The following MGAT4C variants were observed in gnomAD, a reference collection of about 807,000 sequenced individuals.
MGAT4C encodes the protein alpha-1,3-mannosyl-glycoprotein 4-beta-N-acetylglucosaminyltransferase C.
A neutral mutation model predicts 40.1 loss-of-function variants in MGAT4C; 19 were observed. That is an observed-to-expected ratio of 0.47 (90% CI 0.33 to 0.70). MGAT4C has a LOEUF of 0.70. Among genes scored for constraint, MGAT4C ranks in the 30% least tolerant of loss-of-function variants. MGAT4C has a pLI of 0.02. For missense variants in MGAT4C, 491 were observed against 563.2 expected (o/e 0.87, Z 1.30); for synonymous variants, 181 against 187.1 (o/e 0.97, Z 0.27).
chr12:86,724,562 T>C (rs1394613843), intron 2 of MGAT4C, among the ~76,000 whole-genome samples: 1 of 152,190 alleles, frequency 6.6e-6, no homozygotes, highest in Non-Finnish European at 1.5e-5. Flanking sequence ...TAATAACTAT[T>C]AATAACTACC....
rs12578968 is a variant in MGAT4C, at chr12:86,418,495, C to T, written c.-120+16662G>A. The stretch of plus-strand genomic sequence containing the variant: ...TAATCTCAGCTACTCAGGAGGCTGG[C>T]GCAGGAGAATCTCTTCAACCGGGAG... On this transcript the variant is annotated intron_variant, in intron 3 of 7. Transcript: ENST00000548651. Among the ~76,000 whole-genome samples, 1,050 of 151,794 alleles carry T rather than the reference C, an allele frequency of 6.9e-3. 15 individuals are homozygous for T. The highest frequency in any genetic ancestry group is 0.024 in the African/African-American group (1,009 of 41,362).
At chr12:86,392,725 T>C (rs1956180983) in intron 3 of MGAT4C, among the ~76,000 whole-genome samples, 1 of 152,234 alleles carries the variant, frequency 6.6e-6, no homozygotes, top group Non-Finnish European at 1.5e-5. Flanking sequence ...ATGCATTGCA[T>C]ATTCAATAAA....
chr12:86,268,558 G>T (rs1952847770), intron 4 of MGAT4C, among the ~76,000 whole-genome samples: 1 of 149,208 alleles, frequency 6.7e-6, no homozygotes, highest in African/African-American at 2.4e-5. Context: ...GATTTTTGAA[G>T]GGTCCATTAA....
At chr12:86,608,313 TCA>T (rs1962116429) in intron 2 of MGAT4C, among the ~76,000 whole-genome samples, 2 of 152,074 alleles carry the variant, frequency 1.3e-5, no homozygotes, top group South Asian at 4.1e-4. Flanking sequence ...GCATGGTGAC[TCA>T]CACCTATAAT....
At chr12:86,320,163 T>C (rs899789911) in intron 4 of MGAT4C, among the ~76,000 whole-genome samples, 1 of 152,126 alleles carries the variant, frequency 6.6e-6, no homozygotes. Context: ...CTTTTTTTAC[T>C]CTCAGCTTGG....
chr12:86,084,331 T>A (rs936347444), intron 1 of MGAT4C, among the ~76,000 whole-genome samples: 1 of 152,036 alleles, frequency 6.6e-6, no homozygotes, highest in African/African-American at 2.4e-5. Context: ...CTGCAGTATA[T>A]GAAGTATTGT....
intron 2 of MGAT4C, among the ~76,000 whole-genome samples, chr12:86,693,254 T>C (rs1005054535): frequency 6.6e-6 from 1 of 152,194 alleles, no homozygotes; most frequent in Admixed American, 6.5e-5. Context: ...ATATGATTTA[T>C]TATTATGTCA....
chr12:86,042,650 G>T (rs556966738), intron 2 of MGAT4C, among the ~76,000 whole-genome samples: 3 of 151,930 alleles, frequency 2.0e-5, no homozygotes, highest in African/African-American at 7.2e-5. Flanking sequence ...CAGATCACAG[G>T]GTCAGGAGAT....
intron 2 of MGAT4C, among the ~76,000 whole-genome samples, chr12:86,446,615 C>T (rs1401302726): frequency 3.0e-5 from 4 of 131,794 alleles, no homozygotes; most frequent in East Asian, 2.2e-4. Flanking sequence ...TGTTCATATA[C>T]GATGAAAACT....
intron 1 of MGAT4C, among the ~76,000 whole-genome samples, chr12:86,204,077 C>T (rs942105947): frequency 6.6e-6 from 1 of 150,806 alleles, no homozygotes; most frequent in African/African-American, 2.4e-5. Context: ...AAAGAGCCAA[C>T]AGATGGTAGC....
intron 2 of MGAT4C, among the ~76,000 whole-genome samples, chr12:86,679,599 T>C (rs1345049328): frequency 1.3e-5 from 2 of 152,132 alleles, no homozygotes; most frequent in East Asian, 3.9e-4. Flanking sequence ...GGTGGGGCCA[T>C]TTGGAGGTGA....
At chr12:86,506,179 G>A (rs1958469874) in intron 2 of MGAT4C, among the ~76,000 whole-genome samples, 1 of 152,174 alleles carries the variant, frequency 6.6e-6, no homozygotes, top group Non-Finnish European at 1.5e-5. Flanking sequence ...TTGCTACGAT[G>A]TGATTAAACG....
chr12:86,095,385 G>A (rs1036378242), intron 1 of MGAT4C, among the ~76,000 whole-genome samples: 4 of 151,830 alleles, frequency 2.6e-5, no homozygotes, highest in African/African-American at 4.8e-5. Context: ...AGTACATTTT[G>A]TTATCTTATT....
At chr12:86,543,625 T>C (rs1461658004) in intron 2 of MGAT4C, among the ~76,000 whole-genome samples, 1 of 152,184 alleles carries the variant, frequency 6.6e-6, no homozygotes. Flanking sequence ...TTTTTCAGAA[T>C]AGAAAACTTT....
chr12:86,613,655 T>C (rs1962355689), intron 2 of MGAT4C, among the ~76,000 whole-genome samples: 1 of 152,050 alleles, frequency 6.6e-6, no homozygotes, highest in African/African-American at 2.4e-5. Context: ...TTTAGGATCC[T>C]AGGAATACTA....
chr12:86,211,667 G>C (rs1390887249), intron 1 of MGAT4C, among the ~76,000 whole-genome samples: 1 of 152,008 alleles, frequency 6.6e-6, no homozygotes, highest in African/African-American at 2.4e-5. Context: ...TCTCAACACT[G>C]TCTTAAGTTG....
At chr12:86,442,860 A>T (rs571550760) in intron 2 of MGAT4C, among the ~76,000 whole-genome samples, 104 of 152,142 alleles carry the variant, frequency 6.8e-4, no homozygotes, top group African/African-American at 2.4e-3. Flanking sequence ...AATCTTCAGC[A>T]ACCACCACCT....
At chr12:86,005,311 T>C (rs1254019813) in intron 2 of MGAT4C, among the ~76,000 whole-genome samples, 2 of 152,224 alleles carry the variant, frequency 1.3e-5, no homozygotes, top group African/African-American at 2.4e-5. Context: ...AACTATTGAG[T>C]ATTCTTATTT....
rs529833544 is a variant in MGAT4C at position 85,995,364 on chromosome 12, G to C, written c.-6-5812C>G. 2.6e-5 allele frequency among the ~76,000 whole-genome samples: 4 copies of C among 152,310 alleles called. No homozygotes were observed. In the South Asian group the frequency reaches 8.3e-4, roughly 32 times the overall value. On this transcript the variant is annotated intron_variant, in intron 2 of 4. Transcript: ENST00000611864. Reference sequence around the variant, plus strand: ...CAGAAGAGAGACTCAGAATTCTGCAGACGGCTCTTCAAATCTTTGAGTTGA... The same window carrying C: ...CAGAAGAGAGACTCAGAATTCTGCACACGGCTCTTCAAATCTTTGAGTTGA...
Sources: allele counts gnomAD v4.1 joint callset (sites outside exome capture counted in the v4.1 genomes callset), GRCh38; gene constraint gnomAD v4.1.1; transcripts MANE v1.5; gene names NCBI Gene and HGNC (gene_info 2026-07-23, HGNC 2026-07-21).